Variants in CEP41 observed in about 807,000 individuals in gnomAD.
CEP41 encodes the protein centrosomal protein of 41 kDa.
Under a neutral mutation model 44.3 loss-of-function variants are expected in CEP41, and 32 were observed. The observed-to-expected ratio is 0.72, with a 90% CI of 0.54 to 0.97. The LOEUF (loss-of-function observed/expected upper bound fraction) is 0.97, where lower values mean the gene tolerates loss of function less well. Ranked by LOEUF, CEP41 falls within the 50% of genes least tolerant of loss-of-function variation. The probability of loss-of-function intolerance (pLI) is 0.00; values close to 1 mark genes in which losing one functional copy is unlikely to be tolerated. For synonymous variants in CEP41, 151 were observed against 168.5 expected (o/e 0.90, Z 0.80); for missense variants, 432 against 455.2 (o/e 0.95, Z 0.46).
chr7:130,420,052 T>A (rs1797456632), intron 2 of CEP41: 1 of 985,278 alleles, frequency 1.0e-6, no homozygotes, highest in African/African-American at 1.7e-5. Context: ...TCAGGTGCAC[T>A]GGATCATGCC....
intron 1 of CEP41, among the ~76,000 whole-genome samples, chr7:130,432,135 A>G (rs890735290): frequency 2.6e-5 from 4 of 151,930 alleles, no homozygotes; most frequent in Admixed American, 6.6e-5. Flanking sequence ...TGACAAGATT[A>G]TATTTCTGTC....
intron 1 of CEP41, among the ~76,000 whole-genome samples, chr7:130,433,814 T>C (rs1182678788): frequency 2.0e-5 from 3 of 152,200 alleles, no homozygotes; most frequent in Non-Finnish European, 2.9e-5. Flanking sequence ...GGCTCTATCT[T>C]GTAGATCTCT....
At chr7:130,441,082 C>A, upstream of CEP41, 2 of 1,216,240 alleles carry the variant, frequency 1.6e-6, no homozygotes, top group Non-Finnish European at 1.2e-6. Context: ...TCCGATTGGC[C>A]CGTCTTCCCC....
At chr7:130,416,735 A>G (rs1439914549) in intron 3 of CEP41, among the ~76,000 whole-genome samples, 184 bp downstream of exon 3, 3 of 152,314 alleles carry the variant, frequency 2.0e-5, no homozygotes, top group Admixed American at 1.3e-4. Flanking sequence ...ACAGGCCACA[A>G]TCTGAGAAGC....
chr7:130,400,513 C>A, intron 9 of CEP41, 194 bp downstream of exon 9: 4 of 642,126 alleles, frequency 6.2e-6, no homozygotes, highest in South Asian at 1.9e-5. Context: ...AGCCCTGAAG[C>A]AACATCAGGA....
intron 1 of CEP41, among the ~76,000 whole-genome samples, chr7:130,430,396 A>C (rs1426666327): frequency 1.3e-5 from 2 of 149,516 alleles, no homozygotes; most frequent in Admixed American, 1.3e-4. Context: ...ACCAACTCTT[A>C]GCATCGGTCC....
chr7:130,400,571 T>C, intron 9 of CEP41, 136 bp downstream of exon 9: 2 of 721,076 alleles, frequency 2.8e-6, no homozygotes, highest in South Asian at 3.0e-5. Flanking sequence ...ACATAACTCC[T>C]GACTCCTTTC....
Position 130,394,971 on chromosome 7 carries a change from A to G in CEP41, c.*3920T>C, listed in dbSNP as rs889780247. ...TACACAGGTGAGAATTTGCTTCTGT[A>G]CAGAACAAAGAGGATCAGCAACAGA... On this transcript the variant is annotated 3_prime_UTR_variant, in exon 11 of 11. Transcript: ENST00000223208. The G allele has an allele frequency of 6.2e-5, 28 of 453,992 alleles. No homozygotes were observed. Among genetic ancestry groups the G allele is most frequent in the Non-Finnish European group, 1.1e-4 (26 of 226,786 alleles). 28.1% of individuals were successfully genotyped at this position (453,992 alleles called of 1,614,324 possible). A position where few individuals can be genotyped will look rare whatever the true frequency, so the allele number is the denominator to read the frequency against.
At chr7:130,405,911 C>T (rs1198501019) in intron 5 of CEP41, among the ~76,000 whole-genome samples, 3 of 152,144 alleles carry the variant, frequency 2.0e-5, no homozygotes, top group African/African-American at 7.2e-5. Flanking sequence ...TTAACACAAA[C>T]AGCACATCAC....
chr7:130,415,897 GAGA>G lies in CEP41; in HGVS notation c.145+1019_145+1021del, dbSNP rs1476473441. 4.6e-5 allele frequency among the ~76,000 whole-genome samples: 7 copies of G among 152,322 alleles called. No individual in the cohort carries two copies. In the East Asian group the frequency reaches 1.3e-3, roughly 29 times the overall value. On this transcript the variant is annotated intron_variant, in intron 3 of 10. Coordinates refer to ENST00000223208, the MANE Select transcript of CEP41 (RefSeq NM_018718.3). ...TAATATAAAATGTTCAGGAAGAAAAGAGAAGGATACTGTGGCATTACATATTTT... is the reference window on the plus strand; with the variant it reads ...TAATATAAAATGTTCAGGAAGAAAAGAGGATACTGTGGCATTACATATTTT...
At chr7:130,402,348 AAAAAAC>A (rs1281152650) in intron 7 of CEP41, among the ~76,000 whole-genome samples, 7 of 151,090 alleles carry the variant, frequency 4.6e-5, no homozygotes, top group Non-Finnish European at 8.9e-5. Context: ...ATTAACAAAA[AAAAAAC>A]AAAAAAAAAA....
Position 130,398,759 on chromosome 7 carries a change from G to A in CEP41, c.*132C>T. On this transcript the variant is annotated 3_prime_UTR_variant, in exon 11 of 11. Transcript: ENST00000223208. ...GGAGAGGAACTGGAGACAGGGACAGGGAAGAGGCCTATCCCATACATATGT... is the reference window on the plus strand; with the variant it reads ...GGAGAGGAACTGGAGACAGGGACAGAGAAGAGGCCTATCCCATACATATGT... The A allele has an allele frequency of 9.2e-7, 1 of 1,085,056 alleles. No homozygotes were observed. The highest frequency in any genetic ancestry group is 1.4e-6 in the Non-Finnish European group (1 of 709,186). 67.2% of individuals were successfully genotyped at this position (1,085,056 alleles called of 1,614,324 possible). A position where few individuals can be genotyped will look rare whatever the true frequency, so the allele number is the denominator to read the frequency against.
chr7:130,435,347 T>C (rs1191396992), intron 1 of CEP41, among the ~76,000 whole-genome samples: 1 of 152,092 alleles, frequency 6.6e-6, no homozygotes, highest in Non-Finnish European at 1.5e-5. Context: ...CATTTCCTTG[T>C]TTTGCAATAA....
chr7:130,440,735 C>T (rs1554427380), intron 1 of CEP41, 199 bp downstream of exon 1: 2 of 637,554 alleles, frequency 3.1e-6, no homozygotes, highest in Non-Finnish European at 5.5e-6. Context: ...GGAGAGATCG[C>T]TCCTCAAAAC....
At position 130,404,579 on chromosome 7, in the gene CEP41, C is replaced by A. The variant is rs546106020; in HGVS notation, c.407G>T (p.Arg136Leu). 4 of 1,613,626 alleles carry A rather than the reference C, an allele frequency of 2.5e-6. No homozygotes were observed. The highest frequency in any genetic ancestry group is 3.4e-6 in the Non-Finnish European group (4 of 1,179,688). The change falls in exon 6 of 11, where the codon CGC becomes CTC. Residue 136 changes from arginine to leucine, a missense_variant. Coordinates refer to ENST00000223208, the MANE Select transcript of CEP41 (RefSeq NM_018718.3). ...INNAGAGDSS[R>L]STLQSVISGV... ...CTTCGAGTACCTCTGAAGAGTTGAG[C>A]GGCTGGAGTCCCCTGCTCCTGCGTT...
At chr7:130,430,996 C>T (rs1554424958) in intron 1 of CEP41, among the ~76,000 whole-genome samples, 1 of 152,050 alleles carries the variant, frequency 6.6e-6, no homozygotes, top group Non-Finnish European at 1.5e-5. Context: ...GCCCTTCCCG[C>T]CCCCGGTTTT....
At chr7:130,402,562 A>T in intron 7 of CEP41, 86 bp downstream of exon 7, 2 of 1,413,706 alleles carry the variant, frequency 1.4e-6, no homozygotes, top group Non-Finnish European at 2.0e-6. Flanking sequence ...ACTGTCTACC[A>T]TGGGCTGTGG....
Position 130,404,619 on chromosome 7 carries a change from C to A in CEP41, c.367G>T (p.Glu123Ter), listed in dbSNP as rs782614895. 1 of 1,613,828 alleles carries A rather than the reference C, an allele frequency of 6.2e-7. No individual in the cohort carries two copies. The highest frequency in any genetic ancestry group is 1.1e-5 in the South Asian group (1 of 91,070). The change falls in exon 6 of 11, where the codon GAG becomes TAG. Residue 123 changes from glutamate to a stop codon, truncating the protein, a stop_gained. Coordinates refer to ENST00000223208, the MANE Select transcript of CEP41 (RefSeq NM_018718.3). LOFTEE classifies it high-confidence loss of function. ...GNPGEQSPSP[E>*]QFINNAGAGD... ...GCTCCTGCGTTGTTTATGAACTGCT[C>A]AGGGCTCGGCGACTGCTCACCTGGA...
intron 5 of CEP41, among the ~76,000 whole-genome samples, chr7:130,408,616 TCTC>T (rs1453098044): frequency 6.6e-6 from 1 of 152,174 alleles, no homozygotes; most frequent in Non-Finnish European, 1.5e-5. Context: ...AAACAGGTCT[TCTC>T]ATTCACTCTT....
Sources: gnomAD v4.1 joint callset for allele counts (sites outside exome capture counted in the v4.1 genomes callset) on GRCh38, gnomAD v4.1.1 for gene constraint, MANE v1.5 for transcripts, NCBI Gene and HGNC (gene_info 2026-07-23, HGNC 2026-07-21) for gene names.